ATP13A3: variants seen among roughly 807,000 people sequenced by gnomAD.
ATP13A3 encodes ATPase 13A3, also known as polyamine-transporting ATPase 13A3.
In ATP13A3, 59 loss-of-function variants were observed where a neutral mutation model predicts 158.1. The observed-to-expected ratio is 0.37, with a 90% CI of 0.30 to 0.46. The LOEUF is 0.46. Among genes scored for constraint, ATP13A3 ranks in the 20% least tolerant of loss-of-function variants. The probability of loss-of-function intolerance (pLI) is 1.00; values close to 1 mark genes in which losing one functional copy is unlikely to be tolerated. For synonymous variants in ATP13A3, 491 were observed against 504.3 expected (o/e 0.97, Z 0.35); for missense variants, 1,166 against 1,525.2 (o/e 0.76, Z 3.92).
chr3:194,463,366 C>T (rs1719791647), intron 2 of ATP13A3, among the ~76,000 whole-genome samples: 1 of 151,126 alleles, frequency 6.6e-6, no homozygotes, highest in South Asian at 2.1e-4. Context: ...TAAAACGATG[C>T]CAGTTTTCTA....
At chr3:194,453,272 A>G (rs114925373) in intron 10 of ATP13A3, among the ~76,000 whole-genome samples, 2,340 of 139,808 alleles carry the variant, frequency 0.017, 78 homozygotes, top group African/African-American at 0.062. Flanking sequence ...GTGAGACCAC[A>G]TCGACTTTAA....
chr3:194,417,941 AC>A (rs1715986053), intron 31 of ATP13A3, among the ~76,000 whole-genome samples: 1 of 120,900 alleles, frequency 8.3e-6, no homozygotes, highest in Non-Finnish European at 1.6e-5. Flanking sequence ...AGCGTGGGTG[AC>A]AGACAGACGG....
chr3:194,438,351 T>C (rs1051628087), intron 17 of ATP13A3, among the ~76,000 whole-genome samples: 4 of 152,150 alleles, frequency 2.6e-5, no homozygotes, highest in African/African-American at 9.7e-5. Context: ...AATAATAAAC[T>C]AAGGGGAATA....
At chr3:194,411,505 T>C (rs149881288) in intron 33 of ATP13A3, among the ~76,000 whole-genome samples, 18 of 152,354 alleles carry the variant, frequency 1.2e-4, no homozygotes, top group African/African-American at 3.8e-4. Flanking sequence ...TCAAGAGCTA[T>C]ACTTTAACAT....
At chr3:194,460,085 A>G (rs1719539419) in intron 4 of ATP13A3, 114 bp from the exon 5 acceptor site, 4 of 826,266 alleles carry the variant, frequency 4.8e-6, no homozygotes, top group Admixed American at 5.9e-5. Flanking sequence ...AATTGAGGAA[A>G]CATCACGCCT....
rs1268184305 is a variant in ATP13A3, at chr3:194,430,369, T to C, written c.2625-54A>G. On this transcript the variant is annotated intron_variant, in intron 24 of 33. Coordinates refer to ENST00000645319, the MANE Select transcript of ATP13A3 (RefSeq NM_001367549.1). ...AATTAATTTCTTAAACTACAAAACA[T>C]TTAACTTATTAAGACTTTTCTATTA... 3.9e-6 allele frequency: 6 copies of C among 1,549,518 alleles called. No individual in the cohort carries two copies. The Middle Eastern group carries it at 5.6e-4, about 145-fold the overall frequency.
At chr3:194,428,395 C>T (rs1457600176) in intron 28 of ATP13A3, among the ~76,000 whole-genome samples, 3 of 152,048 alleles carry the variant, frequency 2.0e-5, no homozygotes, top group African/African-American at 7.2e-5. Context: ...CCCAAAGGAG[C>T]ATCTGGCAAT....
At chr3:194,431,552 G>A (rs1181289820) in intron 22 of ATP13A3, among the ~76,000 whole-genome samples, 165 bp downstream of exon 22, 2 of 152,150 alleles carry the variant, frequency 1.3e-5, no homozygotes, top group South Asian at 2.1e-4. Context: ...TGAGATTCCT[G>A]GGTCTGTCCC....
At chr3:194,431,317 CTTTCA>C (rs2108816922) in intron 22 of ATP13A3, 91 bp from the exon 23 acceptor site, 1 of 1,380,594 alleles carries the variant, frequency 7.2e-7, no homozygotes, top group South Asian at 1.5e-5. Flanking sequence ...AAACTGAATT[CTTTCA>C]TTTGATATGT....
intron 10 of ATP13A3, chr3:194,450,545 A>T (rs1450966278): frequency 2.6e-6 from 1 of 382,746 alleles, no homozygotes; most frequent in Non-Finnish European, 4.9e-6. Context: ...GTGCTTCAAC[A>T]CTCATGACAA....
rs924936278 is a variant in ATP13A3 at position 194,451,905 on chromosome 3, G to C, written c.839-1629C>G. On this transcript the variant is annotated intron_variant, in intron 10 of 33. Transcript: ENST00000645319. ...AATCCTGTTCAATGGTCACATTTAA[G>C]TATCTTTTGAACTCATTTCTTTTCA... 4 of 152,342 alleles carry C rather than the reference G, an allele frequency of 2.6e-5. No individual in the cohort carries two copies. The South Asian group carries it at 8.3e-4, about 32-fold the overall frequency. 9.4% of individuals were successfully genotyped at this position (152,342 alleles called of 1,614,324 possible).
intron 31 of ATP13A3, among the ~76,000 whole-genome samples, chr3:194,415,796 G>A (rs1715809761): frequency 6.8e-6 from 1 of 147,432 alleles, no homozygotes; most frequent in Admixed American, 7.0e-5. Flanking sequence ...ATACCACATT[G>A]TTTCTAATAG....
At chr3:194,467,931 G>C (rs1427927356) in intron 2 of ATP13A3, 1 of 152,018 alleles carries the variant, frequency 6.6e-6, no homozygotes, top group African/African-American at 2.4e-5. Flanking sequence ...TTTTAACCAA[G>C]TCAAATTCGA....
At chr3:194,465,905 C>G (rs2410966) in intron 2 of ATP13A3, among the ~76,000 whole-genome samples, 3,008 of 152,040 alleles carry the variant, frequency 0.02, 72 homozygotes, top group East Asian at 0.07. Context: ...TCGCTTGAAT[C>G]CCAGAGGCGG....
intron 11 of ATP13A3, among the ~76,000 whole-genome samples, chr3:194,449,880 C>A (rs1288032883): frequency 6.6e-6 from 1 of 152,038 alleles, no homozygotes; most frequent in African/African-American, 2.4e-5. Context: ...CGCCTTTCCA[C>A]TTCCCTAACC....
rs1302962095 is a variant in ATP13A3 at position 194,431,175 on chromosome 3, G to A, written c.2473C>T (p.Arg825Cys). 6.8e-6 allele frequency: 11 copies of A among 1,613,042 alleles called. No homozygotes were observed. Among genetic ancestry groups the A allele is most frequent in the African/African-American group, 1.3e-5 (1 of 74,868 alleles). The stretch of plus-strand genomic sequence containing the variant: ...TTTCCATTCATTGCAAAATGATAAC[G>A]AGTCATTTGAAGATCCTCTAAGCTA... ...HDSLEDLQMTRYHFAMNGKSF... is the reference protein window; with the variant it reads ...HDSLEDLQMTCYHFAMNGKSF... Residue 825 changes from arginine (R) to cysteine (C), a missense_variant, in exon 23 of 34, where the codon CGT becomes TGT. By Grantham distance (180) the Arg-to-Cys change is radical. Coordinates refer to ENST00000645319, the MANE Select transcript of ATP13A3 (RefSeq NM_001367549.1).
In ATP13A3 at chr3:194,437,390, C is replaced by G. The variant is rs1717725325; in HGVS notation, c.1920G>C (p.Arg640Ser). ...SALQRMSVVA[R>S]VLGDRKMDAY... ...CGTCCATTTTCCTATCCCCCAGCAC[C>G]CTGGCAACCACACTCATACGTTGCA... Residue 640 changes from arginine to serine, a missense_variant, in exon 19 of 34, where the codon AGG becomes AGC. Around this residue, in one of 3 missense-constraint regions of ATP13A3, gnomAD observed 997 missense variants for 1,341.2 expected, o/e 0.74. Coordinates refer to ENST00000645319, the MANE Select transcript of ATP13A3 (RefSeq NM_001367549.1). 6.2e-7 allele frequency: 1 copy of G among 1,614,168 alleles called. No individual in the cohort carries two copies. Among genetic ancestry groups the G allele is most frequent in the East Asian group, 2.2e-5 (1 of 44,874 alleles).
At chr3:194,473,026 T>C (rs1296180812) in intron 2 of ATP13A3, among the ~76,000 whole-genome samples, 1 of 152,018 alleles carries the variant, frequency 6.6e-6, no homozygotes, top group Non-Finnish European at 1.5e-5. Context: ...GGGGCAAGGG[T>C]ACCTATTGGG....
intron 30 of ATP13A3, 96 bp from the exon 31 acceptor site, chr3:194,420,063 TG>T: frequency 7.7e-7 from 1 of 1,300,468 alleles, no homozygotes; most frequent in Non-Finnish European, 1.0e-6. Flanking sequence ...TTTGTAAATT[TG>T]GTTTTGAATA....
Sources: allele counts gnomAD v4.1 joint callset (sites outside exome capture counted in the v4.1 genomes callset), GRCh38; gene constraint gnomAD v4.1.1; regional missense constraint gnomAD v4.1.1; transcripts MANE v1.5; gene names NCBI Gene and HGNC (gene_info 2026-07-23, HGNC 2026-07-21).